Variants in CXCR2 observed in about 807,000 individuals in gnomAD.
CXCR2 encodes the protein C-X-C chemokine receptor type 2.
A neutral mutation model predicts 3.7 loss-of-function variants in CXCR2; 2 were observed. The ratio of observed to expected loss-of-function variants is 0.55; its 90% CI spans 0.22 to 1.72. CXCR2 has a LOEUF of 1.72. Ranked by LOEUF, CXCR2 falls within the 40% of genes most tolerant of loss-of-function variation. CXCR2 has a pLI of 0.19. For missense variants in CXCR2, 351 were observed against 450.1 expected (o/e 0.78, Z 1.99); for synonymous variants, 203 against 193.3 (o/e 1.05, Z -0.41).
rs200600788 is a variant in CXCR2, at chr2:218,135,837, C to G, written c.1036C>G (p.Pro346Ala). Residue 346 changes from proline (P) to alanine (A), a missense_variant, in exon 3 of 3, where the codon CCT (proline) becomes GCT (alanine). Coordinates refer to ENST00000318507, the MANE Select transcript of CXCR2 (RefSeq NM_001557.4). The surrounding 1 kb of genome is among the most constrained non-coding windows in gnomAD (Gnocchi z 4.0). ...GGACTCCCTGCCCAAAGACAGCAGG[C>G]CTTCCTTTGTTGGCTCTTCTTCAGG... ...SKDSLPKDSRPSFVGSSSGHT... is the reference protein window; with the variant it reads ...SKDSLPKDSRASFVGSSSGHT... The G allele has an allele frequency of 3.2e-5, 51 of 1,613,692 alleles. No individual in the cohort carries two copies. Among genetic ancestry groups the G allele is most frequent in the Non-Finnish European group, 4.3e-5 (51 of 1,179,818 alleles).
rs144937879 is a variant in CXCR2 at position 218,136,257 on chromosome 2, C to G, written c.*373C>G. ...TGGCCAACGGGGTGAAACCCTGTCT[C>G]TACTAAAAATACAAAAAAAAAAAAA... On this transcript the variant is annotated 3_prime_UTR_variant, in exon 3 of 3. Transcript: ENST00000318507. 6.0e-5 allele frequency: 10 copies of G among 167,266 alleles called. No individual in the cohort carries two copies. The East Asian group carries it at 1.7e-3, about 29-fold the overall frequency. The allele number at this position is 167,266 out of a possible 1,614,324, so 10.4% of individuals were successfully genotyped here.
At position 218,135,416 on chromosome 2, in the gene CXCR2, A is replaced by G. The variant is rs1212056227; in HGVS notation, c.615A>G (p.Ala205=). 6.2e-7 allele frequency: 1 copy of G among 1,614,096 alleles called. No homozygotes were observed. Among genetic ancestry groups the G allele is most frequent in the East Asian group, 2.2e-5 (1 of 44,898 alleles). The part of the protein sequence containing the change: ...ACYEDMGNNT[A]NWRMLLRILP... ...ATGAGGACATGGGCAACAATACAGC[A>G]AACTGGCGGATGCTGTTACGGATCC... The change falls in exon 3 of 3, where the codon GCA becomes GCG. Residue 205 remains alanine (A), a synonymous_variant. Transcript: ENST00000318507. The surrounding 1 kb of genome is among the most constrained non-coding windows in gnomAD (Gnocchi z 4.0).
intron 2 of CXCR2, among the ~76,000 whole-genome samples, chr2:218,131,709 T>C (rs961729281): frequency 2.0e-5 from 3 of 151,602 alleles, no homozygotes; most frequent in Non-Finnish European, 4.4e-5. Flanking sequence ...GACCTCATGA[T>C]CCGCCCATCT....
In CXCR2 at chr2:218,135,377, T is replaced by A; in HGVS notation, c.576T>A (p.Val192=). The A allele has an allele frequency of 6.2e-7, 1 of 1,614,208 alleles. No individual in the cohort carries two copies. The highest frequency in any genetic ancestry group is 8.5e-7 in the Non-Finnish European group (1 of 1,180,034). The change falls in exon 3 of 3, where the codon GTT becomes GTA. Residue 192 remains valine, a synonymous_variant. Coordinates refer to ENST00000318507, the MANE Select transcript of CXCR2 (RefSeq NM_001557.4). This position sits in a 1 kb window ranked among gnomAD's most constrained non-coding sequence, Gnocchi z 4.0. The part of the protein sequence containing the change: ...LFRRTVYSSN[V]SPACYEDMGN... ...GAAGGACCGTCTACTCATCCAATGT[T>A]AGCCCAGCCTGCTATGAGGACATGG...
Position 218,135,494 on chromosome 2 carries a change from C to T in CXCR2, c.693C>T (p.Tyr231=), listed in dbSNP as rs138670528. 1.1e-4 allele frequency: 183 copies of T among 1,614,092 alleles called. No homozygotes were observed. Among genetic ancestry groups the T allele is most frequent in the Admixed American group, 3.2e-4 (19 of 60,014 alleles). ...IVPLLIMLFC[Y]GFTLRTLFKA... The stretch of plus-strand genomic sequence containing the variant: ...CACTGCTGATCATGCTGTTCTGCTA[C>T]GGATTCACCCTGCGTACGCTGTTTA... Residue 231 remains tyrosine, a synonymous_variant, in exon 3 of 3, where the codon TAC becomes TAT. Transcript: ENST00000318507. The surrounding 1 kb of genome is among the most constrained non-coding windows in gnomAD (Gnocchi z 4.0).
intron 1 of CXCR2, 97 bp downstream of exon 1, chr2:218,126,450 G>A (rs1690511123): frequency 6.6e-6 from 1 of 152,236 alleles, no homozygotes; most frequent in Admixed American, 6.5e-5. Context: ...GAACTGGGGT[G>A]ATGAAGTGTA....
chr2:218,126,618 C>T (rs552010661), intron 1 of CXCR2, among the ~76,000 whole-genome samples: 9 of 152,238 alleles, frequency 5.9e-5, no homozygotes, highest in African/African-American at 1.2e-4. Context: ...AGTGTGACTG[C>T]GGATCTCAAT....
chr2:218,131,096 A>G (rs531498907), intron 2 of CXCR2: 3 of 152,394 alleles, frequency 2.0e-5, no homozygotes, highest in Admixed American at 2.0e-4. Flanking sequence ...CTCACAGCCA[A>G]TATTCATACA....
Position 218,134,797 on chromosome 2 carries a change from CA to C in CXCR2, c.1del. 9 of 1,610,056 alleles carry C rather than the reference CA, an allele frequency of 5.6e-6. No homozygotes were observed. The highest frequency in any genetic ancestry group is 7.6e-6 in the Non-Finnish European group (9 of 1,177,240). ...TATAGGTCAGGATTTAAGTTTACCT[CA>C]AAAATGGAAGATTTTAACATGGAGA... is the stretch of plus-strand genomic sequence containing the variant. On this transcript the variant is annotated 5_prime_UTR_variant, in exon 3 of 3. Coordinates refer to ENST00000318507, the MANE Select transcript of CXCR2 (RefSeq NM_001557.4).
chr2:218,134,694 A>G (rs1039012964), intron 2 of CXCR2, 83 bp from the exon 3 acceptor site: 6 of 1,321,056 alleles, frequency 4.5e-6, no homozygotes, highest in Non-Finnish European at 6.2e-6. Flanking sequence ...AGCCAACACA[A>G]AGAATCCTAT....
At chr2:218,129,515 T>G (rs551417895) in intron 2 of CXCR2, 150 bp downstream of exon 2, 4 of 152,394 alleles carry the variant, frequency 2.6e-5, no homozygotes, top group African/African-American at 9.6e-5. Context: ...TTTTCTCCCT[T>G]TGGGGCTCTC....
At chr2:218,126,729 A>C (rs1690518092) in intron 1 of CXCR2, among the ~76,000 whole-genome samples, 1 of 152,070 alleles carries the variant, frequency 6.6e-6, no homozygotes, top group South Asian at 2.1e-4. Flanking sequence ...GCTCATTGCA[A>C]CCTCAACCTA....
Position 218,135,770 on chromosome 2 carries a change from T to C in CXCR2, c.969T>C (p.His323=). Residue 323 remains histidine (H), a synonymous_variant, in exon 3 of 3, where the codon CAT becomes CAC. Transcript: ENST00000318507. The surrounding 1 kb of genome is among the most constrained non-coding windows in gnomAD (Gnocchi z 4.0). ...CCTTCATTGGCCAGAAGTTTCGCCA[T>C]GGACTCCTCAAGATTCTAGCTATAC... ...IYAFIGQKFR[H]GLLKILAIHG... is the part of the protein sequence containing the mutation. 2 of 1,614,048 alleles carry C rather than the reference T, an allele frequency of 1.2e-6. No individual in the cohort carries two copies. The highest frequency in any genetic ancestry group is 1.7e-6 in the Non-Finnish European group (2 of 1,180,004).
chr2:218,134,450 C>T (rs1017574919), intron 2 of CXCR2, among the ~76,000 whole-genome samples: 1 of 152,090 alleles, frequency 6.6e-6, no homozygotes. Flanking sequence ...CAAAGATGCT[C>T]GCCACTGAAG....
rs1690823538 is a variant in CXCR2 at position 218,136,933 on chromosome 2, G to A, written c.*1049G>A. On this transcript the variant is annotated 3_prime_UTR_variant, in exon 3 of 3. Transcript: ENST00000318507. The stretch of plus-strand genomic sequence containing the variant: ...AGAACAGTGATTACCAGGGACTGAG[G>A]GGAGGGGAGCATGGGAAGTGACGGT... 1.2e-5 allele frequency: 2 copies of A among 167,436 alleles called. No individual in the cohort carries two copies. Among genetic ancestry groups the A allele is most frequent in the Non-Finnish European group, 2.9e-5 (2 of 68,118 alleles). 10.4% of individuals were successfully genotyped at this position (167,436 alleles called of 1,614,324 possible). A position where few individuals can be genotyped will look rare whatever the true frequency, so the allele number is the denominator to read the frequency against.
intron 2 of CXCR2, among the ~76,000 whole-genome samples, chr2:218,132,653 T>C (rs1690676051): frequency 6.6e-6 from 1 of 152,202 alleles, no homozygotes; most frequent in Non-Finnish European, 1.5e-5. Context: ...TATAACACAA[T>C]GGTATTCTTA....
chr2:218,131,734 G>A (rs1027288165), intron 2 of CXCR2, among the ~76,000 whole-genome samples: 11 of 151,564 alleles, frequency 7.3e-5, no homozygotes, highest in African/African-American at 2.7e-4. Flanking sequence ...CTCCCAAAGT[G>A]CTGGGAGCCA....
chr2:218,135,847 T>G lies in CXCR2; in HGVS notation c.1046T>G (p.Val349Gly), dbSNP rs200917361. 5.6e-6 allele frequency: 9 copies of G among 1,613,594 alleles called. No homozygotes were observed. In the East Asian group the frequency reaches 2.0e-4, roughly 36 times the overall value. ...CCCAAAGACAGCAGGCCTTCCTTTG[T>G]TGGCTCTTCTTCAGGGCACACTTCC... ...SLPKDSRPSF[V>G]GSSSGHTSTT... The change falls in exon 3 of 3, where the codon GTT (valine) becomes GGT (glycine). Residue 349 changes from valine to glycine, a missense_variant. Val to Gly is a moderately radical substitution (Grantham distance 109). Coordinates refer to ENST00000318507, the MANE Select transcript of CXCR2 (RefSeq NM_001557.4). This position sits in a 1 kb window ranked among gnomAD's most constrained non-coding sequence, Gnocchi z 4.0.
rs747982382 is a variant in CXCR2 at position 218,135,754 on chromosome 2, G to A, written c.953G>A (p.Gly318Asp). 24 of 1,613,614 alleles carry A rather than the reference G, an allele frequency of 1.5e-5. No individual in the cohort carries two copies. Among genetic ancestry groups the A allele is most frequent in the Non-Finnish European group, 1.9e-5 (22 of 1,179,980 alleles). The change falls in exon 3 of 3, where the codon GGC becomes GAC. Residue 318 changes from glycine (G) to aspartate (D), a missense_variant. Gly to Asp is a moderately conservative substitution (Grantham distance 94, BLOSUM62 -1). Coordinates refer to ENST00000318507, the MANE Select transcript of CXCR2 (RefSeq NM_001557.4). This position sits in a 1 kb window ranked among gnomAD's most constrained non-coding sequence, Gnocchi z 4.0. ...AACCCCCTCATCTACGCCTTCATTG[G>A]CCAGAAGTTTCGCCATGGACTCCTC... ...CLNPLIYAFI[G>D]QKFRHGLLKI...
Sources: gnomAD v4.1 joint callset for allele counts (sites outside exome capture counted in the v4.1 genomes callset) on GRCh38, gnomAD v4.1.1 for gene constraint, Gnocchi (gnomAD v3.1) non-coding constraint, MANE v1.5 for transcripts, NCBI Gene and HGNC (gene_info 2026-07-23, HGNC 2026-07-21) for gene names.